Variants in RUNX2 observed in about 807,000 individuals in gnomAD.
RUNX2 encodes the protein runt-related transcription factor 2.
In RUNX2, 10 loss-of-function variants were observed where a neutral mutation model predicts 51.7. That is an observed-to-expected ratio of 0.19 (90% CI 0.12 to 0.33). The LOEUF is 0.33. Among genes scored for constraint, RUNX2 ranks in the 10% least tolerant of loss-of-function variants. RUNX2 has a pLI of 1.00. For synonymous variants in RUNX2, 276 were observed against 273.6 expected, an observed-to-expected ratio of 1.01 and a Z score of -0.09; for missense variants, 562 against 691.3, an observed-to-expected ratio of 0.81 and a Z score of 2.10.
intron 2 of RUNX2, among the ~76,000 whole-genome samples, chr6:45,417,203 G>A (rs1418835063): frequency 6.6e-6 from 1 of 152,164 alleles, no homozygotes; most frequent in Admixed American, 6.5e-5. Flanking sequence ...AGTTTCTTGT[G>A]TAATCATGTG....
chr6:45,373,591 G>A (rs568700266), intron 2 of RUNX2, among the ~76,000 whole-genome samples: 3 of 152,010 alleles, frequency 2.0e-5, no homozygotes, highest in Non-Finnish European at 4.4e-5. Context: ...TTGCTCTGTC[G>A]CCCAGGCTGG....
rs753332305 is a variant in RUNX2 at position 45,422,658 on chromosome 6, G to T, written c.124G>T (p.Val42Leu). ...SSLQPGKMSD[V>L]SPVVAAQQQQ... ...CCTGCAGCCCGGCAAAATGAGCGAC[G>T]TGAGCCCGGTGGTGGCTGCGCAACA... The change falls in exon 3 of 9, where the codon GTG (valine) becomes TTG (leucine). Residue 42 changes from valine (V) to leucine (L), a missense_variant. Physicochemically the swap from Val to Leu is conservative, Grantham distance 32. Coordinates refer to ENST00000647337, the MANE Select transcript of RUNX2 (RefSeq NM_001024630.4). 88 of 1,607,358 alleles carry T rather than the reference G, an allele frequency of 5.5e-5. No homozygotes were observed. Among genetic ancestry groups the T allele is most frequent in the Non-Finnish European group, 7.3e-5 (86 of 1,177,686 alleles).
intron 2 of RUNX2, among the ~76,000 whole-genome samples, chr6:45,398,265 G>T (rs369997525): frequency 7.8e-4 from 119 of 152,216 alleles, no homozygotes; most frequent in African/African-American, 2.8e-3. Flanking sequence ...TAGATGAGAC[G>T]ATCCATGCAG....
At chr6:45,469,425 A>G (rs1412302799) in intron 5 of RUNX2, among the ~76,000 whole-genome samples, 1 of 152,226 alleles carries the variant, frequency 6.6e-6, no homozygotes, top group Non-Finnish European at 1.5e-5. Flanking sequence ...TCATGTCATA[A>G]ACTTCTAATA....
intron 2 of RUNX2, among the ~76,000 whole-genome samples, chr6:45,364,532 T>C (rs1334410363): frequency 6.9e-6 from 1 of 145,416 alleles, no homozygotes; most frequent in East Asian, 1.9e-4. Flanking sequence ...TGAACCAATA[T>C]AATGAAAAAC....
intron 2 of RUNX2, among the ~76,000 whole-genome samples, chr6:45,364,315 A>C (rs992948571): frequency 1.7e-4 from 26 of 152,088 alleles, no homozygotes; most frequent in African/African-American, 6.0e-4. Flanking sequence ...ATCTGCTCAA[A>C]CTCATTTTAC....
In RUNX2 at chr6:45,422,369, C is replaced by T. The variant is rs1471711176; in HGVS notation, c.59-224C>T. 3 of 534,614 alleles carry T rather than the reference C, an allele frequency of 5.6e-6. No individual in the cohort carries two copies. In the African/African-American group the frequency reaches 6.0e-5, roughly 11 times the overall value. 33.1% of individuals were successfully genotyped at this position (534,614 alleles called of 1,614,324 possible). ...CTCCCGGGTCTCCCTACCCGCCAGC[C>T]CGACTGCGCCGCATCGCCAGACTCT... On this transcript the variant is annotated intron_variant, in intron 2 of 8. Transcript: ENST00000647337.
chr6:45,378,597 A>G (rs2150340126), intron 2 of RUNX2, among the ~76,000 whole-genome samples: 1 of 150,844 alleles, frequency 6.6e-6, no homozygotes, highest in African/African-American at 2.4e-5. Flanking sequence ...TCCCCAACTC[A>G]TGTTACTAGA....
At chr6:45,427,378 A>C (rs1247827585) in intron 3 of RUNX2, among the ~76,000 whole-genome samples, 1 of 152,118 alleles carries the variant, frequency 6.6e-6, no homozygotes, top group Non-Finnish European at 1.5e-5. Context: ...AATTTTTATC[A>C]AAATTTATCT....
chr6:45,476,128 A>G (rs1436261667), intron 5 of RUNX2, among the ~76,000 whole-genome samples: 2 of 152,238 alleles, frequency 1.3e-5, no homozygotes, highest in Non-Finnish European at 2.9e-5. Flanking sequence ...CATCCATAAC[A>G]GATGGATTCT....
intron 5 of RUNX2, among the ~76,000 whole-genome samples, chr6:45,483,091 C>CT (rs1800161074): frequency 1.3e-5 from 2 of 152,326 alleles, no homozygotes; most frequent in South Asian, 4.1e-4. Flanking sequence ...AAGCCACACA[C>CT]TAACATTGTT....
intron 2 of RUNX2, among the ~76,000 whole-genome samples, chr6:45,368,821 CTT>C (rs1313282293): frequency 3.3e-5 from 5 of 151,850 alleles, no homozygotes; most frequent in African/African-American, 7.3e-5. Context: ...TAATAGAAAA[CTT>C]TTATAATTAG....
chr6:45,364,106 C>A (rs1470283612), intron 2 of RUNX2, among the ~76,000 whole-genome samples: 1 of 121,654 alleles, frequency 8.2e-6, no homozygotes, highest in African/African-American at 3.2e-5. Flanking sequence ...CAGAGTGAGA[C>A]TCTGTCTCAA....
intron 2 of RUNX2, among the ~76,000 whole-genome samples, chr6:45,360,256 G>C (rs1581893294): frequency 6.6e-6 from 1 of 152,114 alleles, no homozygotes; most frequent in African/African-American, 2.4e-5. Flanking sequence ...GGGAATAATA[G>C]CATCTACCCT....
At chr6:45,462,647 T>C (rs1282799226) in intron 5 of RUNX2, among the ~76,000 whole-genome samples, 1 of 152,226 alleles carries the variant, frequency 6.6e-6, no homozygotes, top group Non-Finnish European at 1.5e-5. Context: ...ATATTTGTAA[T>C]TGATGTTGTT....
chr6:45,422,091 C>CGCGCGGCGCG (rs1037442351), intron 2 of RUNX2: 2 of 148,464 alleles, frequency 1.3e-5, no homozygotes, highest in Non-Finnish European at 3.0e-5. Context: ...TGGGTAGCAG[C>CGCGCGGCGCG]GCGCGGCGCG....
chr6:45,403,479 C>T (rs1208389158), intron 2 of RUNX2, among the ~76,000 whole-genome samples: 18 of 152,166 alleles, frequency 1.2e-4, no homozygotes, highest in South Asian at 2.1e-4. Flanking sequence ...GTGATCCGCC[C>T]GCCTCAGCAT....
intron 2 of RUNX2, among the ~76,000 whole-genome samples, chr6:45,390,067 G>A (rs139496593): frequency 0.01 from 1,578 of 152,102 alleles, 24 homozygotes; most frequent in African/African-American, 0.036. Context: ...AAAAGAAATA[G>A]GTCAGGCTAT....
At chr6:45,347,737 C>T (rs1421554472) in intron 2 of RUNX2, among the ~76,000 whole-genome samples, 1 of 151,248 alleles carries the variant, frequency 6.6e-6, no homozygotes, top group Admixed American at 6.6e-5. Context: ...TTTTCTACAT[C>T]CAAAAAAGAA....
Sources: gnomAD v4.1 joint callset for allele counts (sites outside exome capture counted in the v4.1 genomes callset) on GRCh38, gnomAD v4.1.1 for gene constraint, MANE v1.5 for transcripts, NCBI Gene and HGNC (gene_info 2026-07-23, HGNC 2026-07-21) for gene names.